Variants in ZNF592 observed in about 807,000 individuals in gnomAD.
ZNF592 encodes the protein spinocerebellar ataxia, autosomal recessive 5.
A neutral mutation model predicts 80.3 loss-of-function variants in ZNF592; 11 were observed. The observed-to-expected ratio is 0.14, with a 90% CI of 0.09 to 0.23. The LOEUF (loss-of-function observed/expected upper bound fraction) is 0.23, where lower values mean the gene tolerates loss of function less well. ZNF592 is among the 10% of genes least tolerant of loss of function. The probability of loss-of-function intolerance (pLI) is 1.00; values close to 1 mark genes in which losing one functional copy is unlikely to be tolerated. For synonymous variants in ZNF592, 646 were observed against 640.3 expected (o/e 1.01, Z -0.13); for missense variants, 1,420 against 1,633.9 (o/e 0.87, Z 2.26).
chr15:84,761,565 A>G (rs1351515311), intron 1 of ZNF592, among the ~76,000 whole-genome samples: 1 of 152,152 alleles, frequency 6.6e-6, no homozygotes, highest in Non-Finnish European at 1.5e-5. Flanking sequence ...GTGGGGTGTA[A>G]GTAGGAGAAA....
At chr15:84,763,183 C>A (rs1374403676) in intron 1 of ZNF592, among the ~76,000 whole-genome samples, 1 of 152,170 alleles carries the variant, frequency 6.6e-6, no homozygotes, top group Non-Finnish European at 1.5e-5. Flanking sequence ...AGTCTTAGTT[C>A]ACTCACTGGT....
chr15:84,779,000 G>A (rs935139680), intron 3 of ZNF592, among the ~76,000 whole-genome samples: 1 of 152,178 alleles, frequency 6.6e-6, no homozygotes, highest in Non-Finnish European at 1.5e-5. Flanking sequence ...GACACACGTG[G>A]AGTGGTTTTA....
intron 1 of ZNF592, chr15:84,754,453 T>G (rs187583632): frequency 6.6e-6 from 1 of 152,096 alleles, no homozygotes; most frequent in Admixed American, 6.6e-5. Flanking sequence ...TCCCAGCTAC[T>G]TGGGAGGCTG....
intron 1 of ZNF592, among the ~76,000 whole-genome samples, chr15:84,758,575 C>T (rs887795008): frequency 6.6e-6 from 1 of 152,194 alleles, no homozygotes; most frequent in African/African-American, 2.4e-5. Flanking sequence ...AGAGCCATGG[C>T]GCCTGGCCTA....
At chr15:84,750,791 G>A (rs1898991603) in intron 1 of ZNF592, among the ~76,000 whole-genome samples, 1 of 152,152 alleles carries the variant, frequency 6.6e-6, no homozygotes. Context: ...CTGTAGCAAG[G>A]AGGAAGTGAA....
intron 2 of ZNF592, among the ~76,000 whole-genome samples, chr15:84,767,260 A>G (rs1899556035): frequency 6.6e-6 from 1 of 152,106 alleles, no homozygotes. Context: ...TCCTGAGCTC[A>G]GGCGATCCGC....
intron 1 of ZNF592, among the ~76,000 whole-genome samples, chr15:84,749,468 A>G (rs1006175177): frequency 2.0e-5 from 3 of 152,092 alleles, no homozygotes; most frequent in African/African-American, 7.2e-5. Flanking sequence ...GGGATTTTAA[A>G]CCATTTTTTG....
intron 1 of ZNF592, among the ~76,000 whole-genome samples, chr15:84,763,697 A>G (rs572213723): frequency 6.6e-6 from 1 of 152,194 alleles, no homozygotes; most frequent in South Asian, 2.1e-4. Context: ...CTGTATTACT[A>G]TTTAGAATCC....
At chr15:84,794,917 T>C (rs894778791) in intron 5 of ZNF592, among the ~76,000 whole-genome samples, 1 of 152,190 alleles carries the variant, frequency 6.6e-6, no homozygotes, top group African/African-American at 2.4e-5. Context: ...TGCAAATATT[T>C]TCTCCCATTC....
intron 1 of ZNF592, among the ~76,000 whole-genome samples, chr15:84,752,733 G>A (rs568199444): frequency 4.6e-5 from 7 of 152,124 alleles, no homozygotes; most frequent in Non-Finnish European, 1.0e-4. Context: ...TGTTATCGTG[G>A]GGCAGCTTTA....
In ZNF592 at chr15:84,784,372, C is replaced by G. The variant is rs1244049540; in HGVS notation, c.1697C>G (p.Pro566Arg). 5.6e-6 allele frequency: 9 copies of G among 1,614,088 alleles called. No individual in the cohort carries two copies. The Admixed American group carries it at 1.3e-4, about 24-fold the overall frequency. ...NKVLHSSNPV[P>R]LYAPNLSPPA... ...GTCCTTCACAGCTCCAACCCCGTGC[C>G]CCTCTATGCGCCAAATCTCAGCCCG... The change falls in exon 4 of 11, where the codon CCC (proline) becomes CGC (arginine). Residue 566 changes from proline (P) to arginine (R), a missense_variant. Coordinates refer to ENST00000560079, the MANE Select transcript of ZNF592 (RefSeq NM_014630.3). This position sits in a 1 kb window ranked among gnomAD's most constrained non-coding sequence, Gnocchi z 5.8.
In ZNF592 at chr15:84,798,291, AC is replaced by A; in HGVS notation, c.2577-19del. The A allele has an allele frequency of 6.2e-7, 1 of 1,613,802 alleles. No homozygotes were observed. Among genetic ancestry groups the A allele is most frequent in the Non-Finnish European group, 8.5e-7 (1 of 1,179,974 alleles). On this transcript the variant is annotated intron_variant, in intron 6 of 10. Transcript: ENST00000560079. The surrounding 1 kb of genome is among the most constrained non-coding windows in gnomAD (Gnocchi z 4.5). ...GGCTGCATGGTGCCTTGGCCACCTC[AC>A]CCCCTAGGGCTTGTCTCATCAGGCT...
chr15:84,799,223 G>T lies in ZNF592; in HGVS notation c.3137+13G>T, dbSNP rs1442412239. ...TCTACACCTGCGGGTGAGTCCCTGG[G>T]GATAGTAGTGAGGAGGCCTGAGGTT... On this transcript the variant is annotated intron_variant, in intron 9 of 10. Transcript: ENST00000560079. This position sits in a 1 kb window ranked among gnomAD's most constrained non-coding sequence, Gnocchi z 4.2. The T allele has an allele frequency of 1.2e-6, 2 of 1,613,218 alleles. No individual in the cohort carries two copies. Among genetic ancestry groups the T allele is most frequent in the Admixed American group, 3.3e-5 (2 of 60,016 alleles).
Position 84,788,195 on chromosome 15 carries a change from T to A in ZNF592, c.2221-2510T>A, listed in dbSNP as rs148573147. ...ACTTAAGGAGGCACAAAGTGCCTGA[T>A]TGTCTTCACTTTTAATGATGCTGAA... is the stretch of plus-strand genomic sequence containing the variant. On this transcript the variant is annotated intron_variant, in intron 4 of 10. Coordinates refer to ENST00000560079, the MANE Select transcript of ZNF592 (RefSeq NM_014630.3). 3.9e-5 allele frequency among the ~76,000 whole-genome samples: 6 copies of A among 152,294 alleles called. No individual in the cohort carries two copies. The East Asian group carries it at 1.2e-3, about 29-fold the overall frequency.
chr15:84,782,995 G>T lies in ZNF592; in HGVS notation c.320G>T (p.Cys107Phe), dbSNP rs995478078. ...GSDLPPDPHN[C>F]GKFDSTFMNG... is the part of the protein sequence containing the mutation. ...GATCTGCCTCCAGATCCCCACAACTGTGGGAAATTTGATTCTACTTTTATG... is the reference window on the plus strand; with the variant it reads ...GATCTGCCTCCAGATCCCCACAACTTTGGGAAATTTGATTCTACTTTTATG... The change falls in exon 4 of 11, where the codon TGT becomes TTT. Residue 107 changes from cysteine to phenylalanine, a missense_variant. Physicochemically the swap from Cys to Phe is radical, Grantham distance 205. Coordinates refer to ENST00000560079, the MANE Select transcript of ZNF592 (RefSeq NM_014630.3). The T allele has an allele frequency of 7.4e-5, 119 of 1,614,042 alleles. No homozygotes were observed. Among genetic ancestry groups the T allele is most frequent in the Non-Finnish European group, 9.7e-5 (115 of 1,180,034 alleles).
At chr15:84,788,397 T>C (rs1962648092) in intron 4 of ZNF592, among the ~76,000 whole-genome samples, 1 of 152,216 alleles carries the variant, frequency 6.6e-6, no homozygotes, top group Non-Finnish European at 1.5e-5. Flanking sequence ...CTGTATAAAG[T>C]ATATTTTTTG....
At chr15:84,751,416 T>C (rs1899009858) in intron 1 of ZNF592, among the ~76,000 whole-genome samples, 1 of 152,234 alleles carries the variant, frequency 6.6e-6, no homozygotes, top group South Asian at 2.1e-4. Flanking sequence ...TGCATTTTGC[T>C]CCTGTCACTT....
chr15:84,771,661 TTTTG>T (rs984970437), intron 2 of ZNF592, among the ~76,000 whole-genome samples: 7 of 152,144 alleles, frequency 4.6e-5, no homozygotes, highest in Admixed American at 1.3e-4. Context: ...AAAACGTTTT[TTTTG>T]TTTGTTTGTT....
rs183793368 is a variant in ZNF592 at position 84,771,691 on chromosome 15, T to C, written c.-149-6492T>C. On this transcript the variant is annotated intron_variant, in intron 2 of 10. Coordinates refer to ENST00000560079, the MANE Select transcript of ZNF592 (RefSeq NM_014630.3). ...TTTGTTTGTTTTTGCCTGAGCCCAC[T>C]GGGGCAGCTGTTTCTTACGTACTGC... Among the ~76,000 whole-genome samples, 693 of 152,300 alleles carry C rather than the reference T, an allele frequency of 4.6e-3. 2 individuals are homozygous for C. Among genetic ancestry groups the C allele is most frequent in the Non-Finnish European group, 7.9e-3 (534 of 68,024 alleles).
Sources: allele counts gnomAD v4.1 joint callset (sites outside exome capture counted in the v4.1 genomes callset), GRCh38; gene constraint gnomAD v4.1.1; non-coding constraint Gnocchi (gnomAD v3.1); transcripts MANE v1.5; gene names NCBI Gene and HGNC (gene_info 2026-07-23, HGNC 2026-07-21).